The following PTPRM variants were observed in gnomAD, a reference collection of about 807,000 sequenced individuals.
The protein encoded by PTPRM is receptor-type tyrosine-protein phosphatase mu.
PTPRM carries 47 observed loss-of-function variants against 186.7 expected under a neutral mutation model. That is an observed-to-expected ratio of 0.25 (90% CI 0.20 to 0.32). PTPRM has a LOEUF of 0.32. Among genes scored for constraint, PTPRM ranks in the 10% least tolerant of loss-of-function variants. The pLI is 1.00. For missense variants in PTPRM, 1,494 were observed against 1,865.0 expected, an observed-to-expected ratio of 0.80 and a Z score of 3.66; for synonymous variants, 668 against 674.9, an observed-to-expected ratio of 0.99 and a Z score of 0.16.
At chr18:7,933,268 G>T (rs1274957556) in intron 5 of PTPRM, among the ~76,000 whole-genome samples, 2 of 151,510 alleles carry the variant, frequency 1.3e-5, no homozygotes, top group African/African-American at 4.9e-5. Context: ...AAAGGTGAAA[G>T]TGCTCAACCT....
rs1484244457 is a variant in PTPRM, at chr18:7,567,440, G to C, written c.-379G>C. Reference sequence around the variant, plus strand: ...GGCGGGCGGAACGCGCGCGGCCACGGCCACGGCCACCGCCACGGCCACGGC... The same window carrying C: ...GGCGGGCGGAACGCGCGCGGCCACGCCCACGGCCACCGCCACGGCCACGGC... On this transcript the variant is annotated 5_prime_UTR_variant, in exon 1 of 33. Transcript: ENST00000580170. The surrounding 1 kb of genome is among the most constrained non-coding windows in gnomAD (Gnocchi z 4.3). The C allele has an allele frequency of 1.9e-5, 3 of 160,184 alleles. No individual in the cohort carries two copies. The highest frequency in any genetic ancestry group is 4.8e-5 in the African/African-American group (2 of 41,514). The allele number at this position is 160,184 out of a possible 1,614,324, so 9.9% of individuals were successfully genotyped here.
chr18:7,668,938 C>T lies in PTPRM; in HGVS notation c.73+101047C>T, dbSNP rs2144463822. ...GATCTTTGTCTCTTTTCCTCAATGACATGTGTCAGATGCCTTAGACCAGTG... is the reference window on the plus strand; with the variant it reads ...GATCTTTGTCTCTTTTCCTCAATGATATGTGTCAGATGCCTTAGACCAGTG... On this transcript the variant is annotated intron_variant, in intron 1 of 32. Coordinates refer to ENST00000580170, the MANE Select transcript of PTPRM (RefSeq NM_001105244.2). The surrounding 1 kb of genome is among the most constrained non-coding windows in gnomAD (Gnocchi z 4.7). Among the ~76,000 whole-genome samples, 1 of 152,130 alleles carries T rather than the reference C, an allele frequency of 6.6e-6. No homozygotes were observed. Among genetic ancestry groups the T allele is most frequent in the South Asian group, 2.1e-4 (1 of 4,816 alleles).
intron 1 of PTPRM, among the ~76,000 whole-genome samples, chr18:7,581,762 C>G (rs1232777632): frequency 6.6e-6 from 1 of 150,966 alleles, no homozygotes; most frequent in Non-Finnish European, 1.5e-5. Flanking sequence ...CTCAAGTGAT[C>G]CACCTCAGCC....
At chr18:7,925,989 TTGCCA>T (rs2051151630) in intron 4 of PTPRM, among the ~76,000 whole-genome samples, 2 of 152,220 alleles carry the variant, frequency 1.3e-5, no homozygotes, top group Non-Finnish European at 2.9e-5. Context: ...TCAGCAAACA[TTGCCA>T]TGCTATGGCA....
At chr18:7,627,126 C>A (rs1302319447) in intron 1 of PTPRM, among the ~76,000 whole-genome samples, 1 of 152,136 alleles carries the variant, frequency 6.6e-6, no homozygotes, top group East Asian at 1.9e-4. Flanking sequence ...GAATGAGAAT[C>A]CCCTGTGGAA....
rs2094651607 is a variant in PTPRM, at chr18:8,263,062, A to G, written c.2754+9648A>G. 2.6e-5 allele frequency among the ~76,000 whole-genome samples: 4 copies of G among 152,092 alleles called. No individual in the cohort carries two copies. In the South Asian group the frequency reaches 8.3e-4, roughly 32 times the overall value. ...AAAATGGAAAGCATAGATATGTTCC[A>G]TTTGGTCATTTTACTTATTGAAAGC... On this transcript the variant is annotated intron_variant, in intron 19 of 32. Transcript: ENST00000580170.
rs773492750 is a variant in PTPRM, at chr18:8,384,523, C to A, written c.3919-38C>A. ...CCAAACTGTTAGGAGTAAATTTCCT[C>A]TTATAACTAACCTTGTGTTTATATG... On this transcript the variant is annotated intron_variant, in intron 29 of 32. Transcript: ENST00000580170. 10 of 1,611,216 alleles carry A rather than the reference C, an allele frequency of 6.2e-6. No individual in the cohort carries two copies. In the East Asian group the frequency reaches 2.0e-4, roughly 32 times the overall value.
At chr18:7,920,058 C>T (rs558007386) in intron 4 of PTPRM, among the ~76,000 whole-genome samples, 39 of 152,146 alleles carry the variant, frequency 2.6e-4, no homozygotes, top group African/African-American at 9.4e-4. Context: ...ACCCACTTCA[C>T]TTTGTCTTAC....
intron 14 of PTPRM, among the ~76,000 whole-genome samples, chr18:8,223,517 G>A (rs770275033): frequency 7.9e-5 from 12 of 152,194 alleles, no homozygotes; most frequent in Non-Finnish European, 1.6e-4. Flanking sequence ...CAAGCATCAT[G>A]AGCAGAATGA....
chr18:7,705,338 G>T (rs889162408), intron 1 of PTPRM, among the ~76,000 whole-genome samples: 10 of 145,148 alleles, frequency 6.9e-5, no homozygotes, highest in African/African-American at 1.3e-4. Context: ...TGTCTATCTA[G>T]CTAGCTAGCT....
At chr18:8,402,779 A>T (rs995850355) in intron 32 of PTPRM, 12 of 152,228 alleles carry the variant, frequency 7.9e-5, no homozygotes, top group African/African-American at 2.9e-4. Flanking sequence ...GAAATAATAA[A>T]TACTAGAATA....
In PTPRM at chr18:7,901,128, C is replaced by T. The variant is rs7226859; in HGVS notation, c.469-5377C>T. Among the ~76,000 whole-genome samples the T allele has an allele frequency of 9.9e-3, 1,513 of 152,280 alleles. 24 individuals are homozygous for T. The highest frequency in any genetic ancestry group is 0.035 in the African/African-American group (1,437 of 41,548). On this transcript the variant is annotated intron_variant, in intron 3 of 32. Coordinates refer to ENST00000580170, the MANE Select transcript of PTPRM (RefSeq NM_001105244.2). The stretch of plus-strand genomic sequence containing the variant: ...TGATTCCCACTGGGTTCTGCACACA[C>T]TTGGTATACTTCACTAGAGCAATAC...
intron 1 of PTPRM, among the ~76,000 whole-genome samples, chr18:7,763,757 T>C (rs150557793): frequency 2.0e-5 from 3 of 152,342 alleles, no homozygotes; most frequent in East Asian, 1.9e-4. Context: ...GGTTAATCAA[T>C]GTCTGGTGAA....
intron 1 of PTPRM, among the ~76,000 whole-genome samples, chr18:7,601,216 G>A (rs530921230): frequency 4.0e-4 from 61 of 152,314 alleles, no homozygotes; most frequent in African/African-American, 1.3e-3. Flanking sequence ...GAACAGTTTC[G>A]TGGATCTTAA....
chr18:8,095,769 C>G (rs1311014200), intron 11 of PTPRM, among the ~76,000 whole-genome samples: 1 of 152,012 alleles, frequency 6.6e-6, no homozygotes, highest in Non-Finnish European at 1.5e-5. Context: ...ATCAAAAACA[C>G]TTAGTCCTTT....
intron 8 of PTPRM, among the ~76,000 whole-genome samples, chr18:8,076,211 A>G (rs1359173027): frequency 1.3e-5 from 2 of 152,154 alleles, no homozygotes; most frequent in Non-Finnish European, 2.9e-5. Flanking sequence ...CGTTTATTTA[A>G]TAGATGGGAC....
intron 7 of PTPRM, among the ~76,000 whole-genome samples, chr18:7,972,478 T>TAA (rs1491072208): frequency 1.2e-4 from 1 of 8,132 alleles, no homozygotes; most frequent in Non-Finnish European, 2.9e-4. Flanking sequence ...AAAAAAAACA[T>TAA]TAAAAAAAAA....
chr18:8,235,612 C>T (rs1245691136), intron 14 of PTPRM, among the ~76,000 whole-genome samples: 1 of 151,190 alleles, frequency 6.6e-6, no homozygotes, highest in Admixed American at 6.6e-5. Flanking sequence ...CTTCTACCTT[C>T]TTTAGATTTA....
At chr18:8,373,969 A>G (rs1379016353) in intron 24 of PTPRM, among the ~76,000 whole-genome samples, 3 of 152,160 alleles carry the variant, frequency 2.0e-5, no homozygotes, top group East Asian at 1.9e-4. Flanking sequence ...AGGAAGTAAT[A>G]GTATCAAATT....
Sources: allele counts gnomAD v4.1 joint callset (sites outside exome capture counted in the v4.1 genomes callset), GRCh38; gene constraint gnomAD v4.1.1; non-coding constraint Gnocchi (gnomAD v3.1); transcripts MANE v1.5; gene names NCBI Gene and HGNC (gene_info 2026-07-23, HGNC 2026-07-21).